VIT: variants seen among roughly 807,000 people sequenced by gnomAD.
The protein encoded by VIT is vitrin.
VIT carries 99 observed loss-of-function variants against 78.0 expected under a neutral mutation model. That is an observed-to-expected ratio of 1.27 (90% confidence interval 1.08 to 1.50). The LOEUF (loss-of-function observed/expected upper bound fraction) is 1.50, where lower values mean the gene tolerates loss of function less well. Ranked by LOEUF, VIT falls within the 40% of genes most tolerant of loss-of-function variation. VIT has a pLI of 0.00. For missense variants in VIT, 1,126 were observed against 875.3 expected (o/e 1.29, Z -3.61); for synonymous variants, 374 against 334.3 (o/e 1.12, Z -1.29).
intron 2 of VIT, 43 bp downstream of exon 2, chr2:36,716,465 T>G (rs1666143319): frequency 1.3e-6 from 2 of 1,596,236 alleles, no homozygotes; most frequent in Non-Finnish European, 1.7e-6. Context: ...TTTTAAAATT[T>G]TCCTAAGATC....
rs536021172 is a variant in VIT at position 36,797,641 on chromosome 2, A to G, written c.1059-3660A>G. Among the ~76,000 whole-genome samples the G allele has an allele frequency of 2.0e-5, 3 of 152,154 alleles. No homozygotes were observed. The South Asian group carries it at 6.2e-4, about 32-fold the overall frequency. On this transcript the variant is annotated intron_variant, in intron 12 of 15. Transcript: ENST00000379242. The stretch of plus-strand genomic sequence containing the variant: ...GCTGTATGGAAGCCATTTTATGTAT[A>G]TGTGAGGTTCAAGAAAGGGGACCAA...
rs114955455 is a variant in VIT, at chr2:36,748,030, T to C, written c.275+4774T>C. Among the ~76,000 whole-genome samples the C allele has an allele frequency of 4.3e-3, 655 of 152,364 alleles. 3 individuals are homozygous for C. Among genetic ancestry groups the C allele is most frequent in the Non-Finnish European group, 7.0e-3 (476 of 68,026 alleles). ...AATTTTTGTTGGGATTTCTTTTCTT[T>C]AAGGGTGCTGAGAATAGGCTCCCAA... On this transcript the variant is annotated intron_variant, in intron 4 of 15. Coordinates refer to ENST00000379242, the MANE Select transcript of VIT (RefSeq NM_053276.4).
intron 7 of VIT, among the ~76,000 whole-genome samples, chr2:36,771,659 G>A (rs543682356): frequency 6.6e-6 from 1 of 152,216 alleles, no homozygotes; most frequent in South Asian, 2.1e-4. Context: ...ACACAGTTTG[G>A]ATGAGAGTGT....
intron 12 of VIT, among the ~76,000 whole-genome samples, 189 bp from the exon 13 acceptor site, chr2:36,801,112 G>A (rs767371061): frequency 5.9e-5 from 9 of 152,192 alleles, no homozygotes; most frequent in Non-Finnish European, 8.8e-5. Context: ...GTCAACACAC[G>A]CCTTCTGAGC....
intron 9 of VIT, among the ~76,000 whole-genome samples, chr2:36,779,075 T>C (rs923890646): frequency 6.6e-6 from 1 of 152,242 alleles, no homozygotes; most frequent in African/African-American, 2.4e-5. Context: ...GGAGCAGGCA[T>C]GCTTCTGGGC....
At chr2:36,719,109 T>C (rs572954432) in intron 2 of VIT, among the ~76,000 whole-genome samples, 74 of 152,350 alleles carry the variant, frequency 4.9e-4, no homozygotes, top group South Asian at 2.1e-3. Context: ...TCCCCTGCCT[T>C]TCTCAGCCTG....
intron 3 of VIT, among the ~76,000 whole-genome samples, chr2:36,741,203 T>A: frequency 6.6e-6 from 1 of 152,220 alleles, no homozygotes; most frequent in East Asian, 1.9e-4. Context: ...GAGACCACAC[T>A]GGCATCTTCA....
chr2:36,748,504 T>C (rs935614532), intron 4 of VIT, among the ~76,000 whole-genome samples: 2 of 152,262 alleles, frequency 1.3e-5, no homozygotes, highest in African/African-American at 4.8e-5. Flanking sequence ...TTGGAGATTC[T>C]TTCCTCAGCT....
chr2:36,800,731 C>A (rs1666262593), intron 12 of VIT, among the ~76,000 whole-genome samples: 1 of 152,194 alleles, frequency 6.6e-6, no homozygotes, highest in African/African-American at 2.4e-5. Context: ...CAACTCCTCC[C>A]CAGTTAATCT....
chr2:36,706,547 C>T (rs1392473813), intron 1 of VIT, among the ~76,000 whole-genome samples: 1 of 152,158 alleles, frequency 6.6e-6, no homozygotes, highest in South Asian at 2.1e-4. Flanking sequence ...CTCTCTCTGC[C>T]GTCCTCTTAT....
chr2:36,720,388 G>A (rs772433078), intron 2 of VIT, among the ~76,000 whole-genome samples: 1 of 151,958 alleles, frequency 6.6e-6, no homozygotes, highest in Non-Finnish European at 1.5e-5. Context: ...CACACAATGG[G>A]GAAAGAACAA....
chr2:36,724,256 A>T (rs1558516254), intron 2 of VIT, among the ~76,000 whole-genome samples: 1 of 152,060 alleles, frequency 6.6e-6, no homozygotes, highest in African/African-American at 2.4e-5. Flanking sequence ...AAGGACTGAG[A>T]AGCATTGCTG....
At chr2:36,770,280 A>C (rs1221867554) in intron 7 of VIT, among the ~76,000 whole-genome samples, 1 of 152,208 alleles carries the variant, frequency 6.6e-6, no homozygotes, top group Non-Finnish European at 1.5e-5. Context: ...ATGTAGCCAA[A>C]ACAGGAGCTA....
chr2:36,724,700 C>A (rs902757351), intron 2 of VIT, among the ~76,000 whole-genome samples: 7 of 152,192 alleles, frequency 4.6e-5, no homozygotes, highest in Non-Finnish European at 8.8e-5. Context: ...TGCTGTTCAA[C>A]TGAACCCAGC....
At chr2:36,783,499 C>T in intron 11 of VIT, 97 bp downstream of exon 11, 2 of 1,205,676 alleles carry the variant, frequency 1.7e-6, no homozygotes, top group South Asian at 2.6e-5. Context: ...TGCCTCTCTC[C>T]TACCGTGGAT....
At chr2:36,764,784 T>C (rs1035977058) in intron 6 of VIT, among the ~76,000 whole-genome samples, 11 of 152,134 alleles carry the variant, frequency 7.2e-5, no homozygotes, top group African/African-American at 2.7e-4. Flanking sequence ...GGTGCTGCTG[T>C]TGGCGGTGGG....
chr2:36,728,301 A>G (rs1188476468), intron 2 of VIT, among the ~76,000 whole-genome samples: 1 of 152,180 alleles, frequency 6.6e-6, no homozygotes, highest in East Asian at 1.9e-4. Context: ...AAAAAGTTAT[A>G]ACATTTAACC....
intron 12 of VIT, among the ~76,000 whole-genome samples, chr2:36,789,355 T>C (rs551394300): frequency 5.9e-5 from 9 of 152,348 alleles, no homozygotes; most frequent in African/African-American, 2.2e-4. Flanking sequence ...TGACCAGCTC[T>C]GTATTCAGAA....
chr2:36,810,214 C>G (rs1279378926), intron 15 of VIT, among the ~76,000 whole-genome samples: 1 of 152,104 alleles, frequency 6.6e-6, no homozygotes, highest in East Asian at 1.9e-4. Context: ...TTGCTTGAAC[C>G]CCAGAGGTGG....
Sources: allele counts gnomAD v4.1 joint callset (sites outside exome capture counted in the v4.1 genomes callset), GRCh38; gene constraint gnomAD v4.1.1; transcripts MANE v1.5; gene names NCBI Gene and HGNC (gene_info 2026-07-23, HGNC 2026-07-21).